Variants in LRBA observed in about 807,000 individuals in gnomAD.
LRBA encodes the protein LPS responsive beige-like anchor protein.
LRBA carries 176 observed loss-of-function variants against 330.0 expected under a neutral mutation model. The observed-to-expected ratio is 0.53, with a 90% confidence interval of 0.47 to 0.60. The LOEUF (loss-of-function observed/expected upper bound fraction) is 0.60. Ranked by LOEUF, LRBA falls within the 20% of genes least tolerant of loss-of-function variation. The pLI is 0.00. For missense variants in LRBA, 3,259 were observed against 3,444.8 expected, an observed-to-expected ratio of 0.95 and a Z score of 1.35; for synonymous variants, 1,230 against 1,193.0, an observed-to-expected ratio of 1.03 and a Z score of -0.64.
intron 37 of LRBA, among the ~76,000 whole-genome samples, chr4:150,621,691 G>A (rs538670733): frequency 1.3e-5 from 2 of 152,228 alleles, no homozygotes; most frequent in African/African-American, 4.8e-5. Context: ...CCATACACTT[G>A]CCTGTATGTT....
intron 47 of LRBA, among the ~76,000 whole-genome samples, chr4:150,413,652 A>C (rs985136864): frequency 6.6e-6 from 1 of 152,208 alleles, no homozygotes; most frequent in African/African-American, 2.4e-5. Flanking sequence ...AAGAGGCCCA[A>C]GGAAACTTTT....
At chr4:150,573,059 A>G (rs1051965665) in intron 40 of LRBA, among the ~76,000 whole-genome samples, 5 of 152,130 alleles carry the variant, frequency 3.3e-5, no homozygotes, top group African/African-American at 1.2e-4. Flanking sequence ...CCTCCTCATC[A>G]ATTAGGCTTT....
intron 2 of LRBA, chr4:151,014,206 G>A (rs1441280365): frequency 2.1e-6 from 1 of 486,598 alleles, no homozygotes; most frequent in Admixed American, 3.5e-5. Flanking sequence ...GCACAAAAGT[G>A]ATGTGTTCAC....
intron 2 of LRBA, among the ~76,000 whole-genome samples, chr4:150,943,994 C>G (rs1735963985): frequency 6.6e-6 from 1 of 152,192 alleles, no homozygotes; most frequent in Non-Finnish European, 1.5e-5. Flanking sequence ...AGTCCTCCAG[C>G]CAGCAGCCAG....
intron 52 of LRBA, among the ~76,000 whole-genome samples, chr4:150,308,810 GTGTT>G (rs1437166919): frequency 6.6e-6 from 1 of 152,146 alleles, no homozygotes; most frequent in Non-Finnish European, 1.5e-5. Context: ...GTTGTACAAT[GTGTT>G]TGTGTTTTAA....
chr4:150,601,837 G>A (rs941676351), intron 37 of LRBA, among the ~76,000 whole-genome samples: 2 of 146,628 alleles, frequency 1.4e-5, no homozygotes, highest in Admixed American at 6.8e-5. Flanking sequence ...GACTACAGGC[G>A]CCTGCCACCA....
intron 37 of LRBA, among the ~76,000 whole-genome samples, chr4:150,611,769 T>C (rs1775288698): frequency 6.6e-6 from 1 of 152,180 alleles, no homozygotes; most frequent in African/African-American, 2.4e-5. Flanking sequence ...GCTATTAATA[T>C]TCAGAAATAT....
intron 33 of LRBA, among the ~76,000 whole-genome samples, chr4:150,803,587 T>C (rs575911208): frequency 6.6e-6 from 1 of 152,316 alleles, no homozygotes; most frequent in East Asian, 1.9e-4. Context: ...CTGCCTTTTA[T>C]ATTAATGCTT....
At chr4:150,308,198 A>T (rs1730603961) in intron 52 of LRBA, among the ~76,000 whole-genome samples, 1 of 152,232 alleles carries the variant, frequency 6.6e-6, no homozygotes, top group African/African-American at 2.4e-5. Flanking sequence ...CTACTGTCAT[A>T]ATATACAGTC....
intron 17 of LRBA, among the ~76,000 whole-genome samples, chr4:150,882,137 G>A (rs1728469316): frequency 6.6e-6 from 1 of 151,680 alleles, no homozygotes; most frequent in South Asian, 2.1e-4. Context: ...TCTAGACATT[G>A]TCTATGTACT....
chr4:150,622,231 A>G (rs899018270), intron 37 of LRBA, among the ~76,000 whole-genome samples: 33 of 152,208 alleles, frequency 2.2e-4, no homozygotes, highest in African/African-American at 6.5e-4. Flanking sequence ...AAATAAGTAG[A>G]CCATCAAAAG....
At position 150,583,406 on chromosome 4, in the gene LRBA, G is replaced by C; in HGVS notation, c.6330+4642C>G. 2 of 1,613,994 alleles carry C rather than the reference G, an allele frequency of 1.2e-6. No individual in the cohort carries two copies. The highest frequency in any genetic ancestry group is 1.7e-6 in the Non-Finnish European group (2 of 1,180,036). On this transcript the variant is annotated intron_variant, in intron 40 of 56. Coordinates refer to ENST00000651943, the MANE Select transcript of LRBA (RefSeq NM_001364905.1). The surrounding 1 kb of genome is among the most constrained non-coding windows in gnomAD (Gnocchi z 9.8). ...ACGGCGTCGGGCTATCTCTCAGCGC[G>C]TAAGATCCGCTCGCGTTTCCAGACG...
At chr4:150,704,501 G>A (rs753218603) in intron 36 of LRBA, among the ~76,000 whole-genome samples, 3 of 151,644 alleles carry the variant, frequency 2.0e-5, no homozygotes, top group African/African-American at 4.8e-5. Flanking sequence ...TTAGGTCAGG[G>A]TATTTCAGGT....
intron 9 of LRBA, among the ~76,000 whole-genome samples, chr4:150,910,447 C>T (rs1248726643): frequency 6.6e-6 from 1 of 152,154 alleles, no homozygotes; most frequent in Non-Finnish European, 1.5e-5. Context: ...CAGTATGTGG[C>T]CTTGCCTCAC....
intron 44 of LRBA, among the ~76,000 whole-genome samples, chr4:150,460,173 A>C (rs1336340247): frequency 6.6e-6 from 1 of 151,878 alleles, no homozygotes; most frequent in Admixed American, 6.6e-5. Flanking sequence ...TAAAGAGATA[A>C]AGAAGTGCTG....
intron 17 of LRBA, among the ~76,000 whole-genome samples, chr4:150,890,770 G>GA (rs1729378825): frequency 6.6e-6 from 1 of 152,310 alleles, no homozygotes; most frequent in South Asian, 2.1e-4. Context: ...CACATGTAGT[G>GA]AAACTGAGAT....
intron 47 of LRBA, among the ~76,000 whole-genome samples, chr4:150,394,806 T>C (rs935285880): frequency 2.0e-5 from 3 of 152,210 alleles, no homozygotes; most frequent in Non-Finnish European, 2.9e-5. Flanking sequence ...TTAATCTACA[T>C]GTAGTAGAGG....
chr4:150,377,266 G>C (rs1741490581), intron 47 of LRBA, among the ~76,000 whole-genome samples: 1 of 151,714 alleles, frequency 6.6e-6, no homozygotes, highest in Non-Finnish European at 1.5e-5. Flanking sequence ...TAAGCAAGTA[G>C]TCTAAAATCT....
chr4:150,518,779 A>G (rs376044344), intron 40 of LRBA, among the ~76,000 whole-genome samples: 86 of 152,262 alleles, frequency 5.6e-4, no homozygotes, highest in African/African-American at 2.1e-3. Flanking sequence ...TAGCAACTGG[A>G]AACAAACACA....
Sources: allele counts gnomAD v4.1 joint callset (sites outside exome capture counted in the v4.1 genomes callset), GRCh38; gene constraint gnomAD v4.1.1; non-coding constraint Gnocchi (gnomAD v3.1); transcripts MANE v1.5; gene names NCBI Gene and HGNC (gene_info 2026-07-23, HGNC 2026-07-21).